Variants in CSMD1 observed in about 807,000 individuals in gnomAD.
The protein encoded by CSMD1 is CUB and Sushi multiple domains 1.
In CSMD1, 213 loss-of-function variants were observed where a neutral mutation model predicts 417.5. The observed-to-expected ratio is 0.51, with a 90% CI of 0.46 to 0.57. The LOEUF (loss-of-function observed/expected upper bound fraction) is 0.57. Among genes scored for constraint, CSMD1 ranks in the 20% least tolerant of loss-of-function variants. The probability of loss-of-function intolerance (pLI) is 0.00; values close to 1 mark genes in which losing one functional copy is unlikely to be tolerated. For synonymous variants in CSMD1, 2,862 were observed against 1,736.8 expected, an observed-to-expected ratio of 1.65 and a Z score of -16.11; for missense variants, 6,923 against 4,529.7, an observed-to-expected ratio of 1.53 and a Z score of -15.17.
intron 5 of CSMD1, among the ~76,000 whole-genome samples, chr8:3,978,425 C>G (rs926510794): frequency 6.6e-6 from 1 of 151,776 alleles, no homozygotes; most frequent in African/African-American, 2.4e-5. Context: ...TTTTTCTATT[C>G]ATACTCTTGG....
At chr8:4,078,896 AATATAT>A (rs1173719388) in intron 3 of CSMD1, among the ~76,000 whole-genome samples, 402 of 43,292 alleles carry the variant, frequency 9.3e-3, no homozygotes, top group African/African-American at 0.018. Context: ...AATAATAATA[AATATAT>A]ATATATATAT....
At chr8:4,264,830 A>G (rs918358029) in intron 3 of CSMD1, among the ~76,000 whole-genome samples, 2 of 152,168 alleles carry the variant, frequency 1.3e-5, no homozygotes, top group African/African-American at 4.8e-5. Flanking sequence ...TCAATAAACT[A>G]AGGATAATTT....
At chr8:4,191,057 T>G (rs970320948) in intron 3 of CSMD1, among the ~76,000 whole-genome samples, 2 of 151,834 alleles carry the variant, frequency 1.3e-5, no homozygotes, top group Non-Finnish European at 2.9e-5. Context: ...CCAGTTTACC[T>G]ATGTAACTAA....
intron 1 of CSMD1, among the ~76,000 whole-genome samples, chr8:4,833,293 A>T (rs1276910254): frequency 3.3e-5 from 5 of 152,196 alleles, no homozygotes; most frequent in African/African-American, 4.8e-5. Flanking sequence ...ACCATGGCAG[A>T]AGGGCGAATG....
intron 5 of CSMD1, 91 bp downstream of exon 5, chr8:3,997,812 G>T (rs957549207): frequency 1.0e-5 from 12 of 1,188,378 alleles, no homozygotes; most frequent in Admixed American, 2.1e-5. Flanking sequence ...GCCCATGAAC[G>T]TCCAGAGACA....
At chr8:3,904,048 C>T (rs950278482) in intron 5 of CSMD1, among the ~76,000 whole-genome samples, 2 of 152,078 alleles carry the variant, frequency 1.3e-5, no homozygotes, top group African/African-American at 4.8e-5. Context: ...TCCTGCAGCC[C>T]TGATTTCCTG....
chr8:3,741,044 G>T (rs184878162), intron 6 of CSMD1, among the ~76,000 whole-genome samples: 148 of 151,864 alleles, frequency 9.7e-4, no homozygotes, highest in African/African-American at 2.9e-3. Context: ...GTCAAACTCC[G>T]TCTCTACTAA....
chr8:4,556,430 G>C (rs1345420263), intron 2 of CSMD1, among the ~76,000 whole-genome samples: 3 of 152,174 alleles, frequency 2.0e-5, no homozygotes, highest in Non-Finnish European at 1.5e-5. Context: ...CCAGGGTACA[G>C]AGGACATATC....
intron 10 of CSMD1, among the ~76,000 whole-genome samples, chr8:3,507,992 G>A (rs1332135300): frequency 1.3e-5 from 2 of 152,244 alleles, no homozygotes; most frequent in African/African-American, 2.4e-5. Flanking sequence ...CTTTTGCTGT[G>A]CAGAGGCTCT....
chr8:3,122,798 T>C (rs1452112889), intron 41 of CSMD1, among the ~76,000 whole-genome samples: 1 of 152,200 alleles, frequency 6.6e-6, no homozygotes, highest in Non-Finnish European at 1.5e-5. Context: ...CCTCTTTTTC[T>C]TCCCAGTCTT....
At chr8:3,744,258 G>C (rs1391110564) in intron 6 of CSMD1, among the ~76,000 whole-genome samples, 1 of 152,164 alleles carries the variant, frequency 6.6e-6, no homozygotes, top group Admixed American at 6.5e-5. Flanking sequence ...GGGAAGTTTG[G>C]AATACGGATC....
intron 10 of CSMD1, among the ~76,000 whole-genome samples, chr8:3,507,306 C>A (rs1031682605): frequency 1.3e-5 from 2 of 152,102 alleles, no homozygotes; most frequent in Non-Finnish European, 2.9e-5. Flanking sequence ...TTTTTAGCTT[C>A]ATCCATGTCC....
intron 2 of CSMD1, among the ~76,000 whole-genome samples, chr8:4,482,137 G>T (rs1476435028): frequency 6.6e-6 from 1 of 152,106 alleles, no homozygotes; most frequent in African/African-American, 2.4e-5. Flanking sequence ...TACATGAGCA[G>T]GTTACATAAG....
chr8:3,493,293 CAAA>C (rs752935476), intron 11 of CSMD1, among the ~76,000 whole-genome samples: 15 of 90,530 alleles, frequency 1.7e-4, no homozygotes, highest in African/African-American at 3.9e-4. Flanking sequence ...GAACCTGTCT[CAAA>C]AAAAAAAAAA....
chr8:4,387,174 C>T lies in CSMD1; in HGVS notation c.415+32779G>A, dbSNP rs547424041. 7.9e-5 allele frequency among the ~76,000 whole-genome samples: 12 copies of T among 152,228 alleles called. No individual in the cohort carries two copies. In the East Asian group the frequency reaches 1.7e-3, roughly 22 times the overall value. ...TTTGGAAAATGAGTTAACACAATGCCATCTTGTGGCTAGGAGGTATCTGAG... is the reference window on the plus strand; with the variant it reads ...TTTGGAAAATGAGTTAACACAATGCTATCTTGTGGCTAGGAGGTATCTGAG... On this transcript the variant is annotated intron_variant, in intron 3 of 69. Transcript: ENST00000635120.
chr8:4,169,078 TA>T (rs1334247416), intron 3 of CSMD1, among the ~76,000 whole-genome samples: 4 of 152,218 alleles, frequency 2.6e-5, no homozygotes, highest in African/African-American at 4.8e-5. Context: ...TCCCTACCTG[TA>T]AGCCTGCTGG....
intron 2 of CSMD1, among the ~76,000 whole-genome samples, chr8:4,618,167 A>G (rs948701443): frequency 1.3e-5 from 2 of 152,074 alleles, no homozygotes; most frequent in African/African-American, 4.8e-5. Flanking sequence ...AAACCTAGGG[A>G]CCACCCATAA....
intron 5 of CSMD1, among the ~76,000 whole-genome samples, chr8:3,928,352 A>G (rs1428942534): frequency 6.7e-6 from 1 of 149,674 alleles, no homozygotes; most frequent in Admixed American, 6.8e-5. Flanking sequence ...AACAAATGAT[A>G]TATTGCCCTT....
intron 1 of CSMD1, among the ~76,000 whole-genome samples, chr8:4,825,933 G>GCAGGTAT (rs1554494221): frequency 6.6e-6 from 1 of 151,666 alleles, no homozygotes; most frequent in Non-Finnish European, 1.5e-5. Context: ...CAAAAAACAG[G>GCAGGTAT]CAGCTATCAC....
Sources: allele counts gnomAD v4.1 joint callset (sites outside exome capture counted in the v4.1 genomes callset), GRCh38; gene constraint gnomAD v4.1.1; transcripts MANE v1.5; gene names NCBI Gene and HGNC (gene_info 2026-07-23, HGNC 2026-07-21).